The following ERBB4 variants were observed in gnomAD, a reference collection of about 807,000 sequenced individuals.
The protein encoded by ERBB4 is erb-b2 receptor tyrosine kinase 4, also known as receptor tyrosine-protein kinase erbB-4.
ERBB4 carries 42 observed loss-of-function variants against 158.0 expected under a neutral mutation model. That is an observed-to-expected ratio of 0.27 (90% CI 0.21 to 0.34). ERBB4 has a LOEUF of 0.34. Ranked by LOEUF, ERBB4 falls within the 10% of genes least tolerant of loss-of-function variation. The pLI, the probability that ERBB4 is intolerant of heterozygous loss-of-function variation, is 1.00. For synonymous variants in ERBB4, 583 were observed against 558.7 expected, an observed-to-expected ratio of 1.04 and a Z score of -0.61; for missense variants, 1,333 against 1,624.1, an observed-to-expected ratio of 0.82 and a Z score of 3.08.
intron 19 of ERBB4, among the ~76,000 whole-genome samples, chr2:211,563,761 C>T (rs900756005): frequency 8.6e-5 from 13 of 151,386 alleles, no homozygotes; most frequent in African/African-American, 3.2e-4. Context: ...AGTTTACTCA[C>T]ACAGGGAGGG....
intron 3 of ERBB4, among the ~76,000 whole-genome samples, chr2:211,812,065 G>A (rs2076768595): frequency 6.6e-6 from 1 of 152,196 alleles, no homozygotes. Flanking sequence ...GCTTTGTTCT[G>A]TTGCTGGTGA....
At chr2:211,569,731 T>C (rs1198929225) in intron 19 of ERBB4, among the ~76,000 whole-genome samples, 2 of 152,176 alleles carry the variant, frequency 1.3e-5, no homozygotes, top group African/African-American at 2.4e-5. Flanking sequence ...GCTCATGTGC[T>C]TGGAATTTAG....
At chr2:211,650,774 T>G (rs1490294000) in intron 16 of ERBB4, among the ~76,000 whole-genome samples, 1 of 152,192 alleles carries the variant, frequency 6.6e-6, no homozygotes. Flanking sequence ...TTGTATTTAT[T>G]TACCCAATAT....
chr2:212,302,651 T>C (rs892800117), intron 1 of ERBB4, among the ~76,000 whole-genome samples: 2 of 151,538 alleles, frequency 1.3e-5, no homozygotes, highest in African/African-American at 2.4e-5. Context: ...ATTTCTGTAA[T>C]TGAAGAAAGA....
At chr2:211,795,285 C>T (rs184803284) in intron 3 of ERBB4, among the ~76,000 whole-genome samples, 1 of 151,826 alleles carries the variant, frequency 6.6e-6, no homozygotes, top group Admixed American at 6.6e-5. Context: ...TTTGTTTCAA[C>T]AAAGCAAAGG....
chr2:212,021,157 C>A (rs910989552), intron 2 of ERBB4, among the ~76,000 whole-genome samples: 35 of 151,886 alleles, frequency 2.3e-4, no homozygotes, highest in African/African-American at 7.7e-4. Flanking sequence ...CCTTTTTGAT[C>A]CAGACATATG....
At position 211,377,453 on chromosome 2, in the gene ERBB4, GA is replaced by G. The variant is rs1574492213; in HGVS notation, c.*6161del. 1 of 226,670 alleles carries G rather than the reference GA, an allele frequency of 4.4e-6. No homozygotes were observed. The allele number at this position is 226,670 out of a possible 1,614,324, so 14.0% of individuals were successfully genotyped here. A position where few individuals can be genotyped will look rare whatever the true frequency, so the allele number is the denominator to read the frequency against. On this transcript the variant is annotated 3_prime_UTR_variant, in exon 28 of 28. Coordinates refer to ENST00000342788, the MANE Select transcript of ERBB4 (RefSeq NM_005235.3). ...GGGAAAGCTCACTAGAGCATGAAAAGAAAAACGTCCATAAAGAGCAAAAGTA... is the reference window on the plus strand; with the variant it reads ...GGGAAAGCTCACTAGAGCATGAAAAGAAAACGTCCATAAAGAGCAAAAGTA...
chr2:211,635,028 T>G (rs2070306453), intron 16 of ERBB4, among the ~76,000 whole-genome samples: 1 of 152,184 alleles, frequency 6.6e-6, no homozygotes, highest in South Asian at 2.1e-4. Context: ...CAGTTGACAC[T>G]ATGAGATCAC....
At chr2:212,028,575 A>G (rs1162443220) in intron 2 of ERBB4, among the ~76,000 whole-genome samples, 1 of 152,136 alleles carries the variant, frequency 6.6e-6, no homozygotes, top group Non-Finnish European at 1.5e-5. Context: ...GGCAGGGAAC[A>G]CAGCAGGTTT....
chr2:211,431,120 T>C lies in ERBB4; in HGVS notation c.2488-20A>G, dbSNP rs774850111. On this transcript the variant is annotated intron_variant, in intron 20 of 27. Transcript: ENST00000342788. ...CATTCCCTGAAAAATATCAAGTTCC[T>C]TAATGATATTCAGTTAATGCCCAGG... 3.2e-5 allele frequency: 52 copies of C among 1,609,168 alleles called. No individual in the cohort carries two copies. Among genetic ancestry groups the C allele is most frequent in the Non-Finnish European group, 4.2e-5 (50 of 1,176,742 alleles).
chr2:211,890,481 G>C (rs528703043), intron 3 of ERBB4, among the ~76,000 whole-genome samples: 2 of 151,854 alleles, frequency 1.3e-5, no homozygotes, highest in African/African-American at 2.4e-5. Context: ...TCGAGACTAG[G>C]AAGAACCTGC....
In ERBB4 at chr2:211,796,211, G is replaced by A. The variant is rs866819358; in HGVS notation, c.422-8052C>T. Among the ~76,000 whole-genome samples, 6 of 151,948 alleles carry A rather than the reference G, an allele frequency of 3.9e-5. No homozygotes were observed. The South Asian group carries it at 1.2e-3, about 32-fold the overall frequency. On this transcript the variant is annotated intron_variant, in intron 3 of 27. Transcript: ENST00000342788. The stretch of plus-strand genomic sequence containing the variant: ...TGATCCTGACTTTGAGCAAGATAAT[G>A]TGTGCTTATTTTTGTATTTTACGTA...
intron 1 of ERBB4, among the ~76,000 whole-genome samples, chr2:212,340,699 G>T (rs186275686): frequency 7.2e-5 from 11 of 152,284 alleles, no homozygotes; most frequent in Admixed American, 3.3e-4. Flanking sequence ...GAAGCAGCTG[G>T]CTGTAAATAC....
intron 1 of ERBB4, chr2:212,426,251 T>G (rs1215424329): frequency 2.0e-6 from 1 of 488,850 alleles, no homozygotes; most frequent in Non-Finnish European, 4.1e-6. Context: ...GTGCATTTAT[T>G]TCCAAATGCA....
At chr2:212,389,647 C>G (rs1361714348) in intron 1 of ERBB4, among the ~76,000 whole-genome samples, 1 of 151,978 alleles carries the variant, frequency 6.6e-6, no homozygotes, top group Non-Finnish European at 1.5e-5. Flanking sequence ...GTAAAACTTA[C>G]AAGTCTCCAC....
At chr2:212,325,296 C>T (rs1446727098) in intron 1 of ERBB4, among the ~76,000 whole-genome samples, 1 of 150,478 alleles carries the variant, frequency 6.6e-6, no homozygotes, top group Non-Finnish European at 1.5e-5. Flanking sequence ...ATCTGAAAAA[C>T]ATTCTCATAT....
chr2:211,408,948 G>A (rs1334247083), intron 25 of ERBB4, among the ~76,000 whole-genome samples: 1 of 152,146 alleles, frequency 6.6e-6, no homozygotes, highest in African/African-American at 2.4e-5. Context: ...AGCAAACTCC[G>A]AGGATGTAAA....
At position 211,713,576 on chromosome 2, in the gene ERBB4, C is replaced by T. The variant is rs1319320879; in HGVS notation, c.956G>A (p.Gly319Glu). ...PSSKMEVEEN[G>E]IKMCKPCTDI... ...AGTGCAAGGTTTACACATTTTAATCCCATTTTCTTCTACTTCCATCTTGGA... is the reference window on the plus strand; with the variant it reads ...AGTGCAAGGTTTACACATTTTAATCTCATTTTCTTCTACTTCCATCTTGGA... The change falls in exon 8 of 28, where the codon GGG (glycine) becomes GAG (glutamate). Residue 319 changes from glycine to glutamate, a missense_variant. By Grantham distance (98) the Gly-to-Glu change is moderately conservative. Around this residue, in one of 5 missense-constraint regions of ERBB4, gnomAD observed 438 missense variants for 586.9 expected, o/e 0.75. Coordinates refer to ENST00000342788, the MANE Select transcript of ERBB4 (RefSeq NM_005235.3). 1.2e-6 allele frequency: 2 copies of T among 1,612,388 alleles called. No individual in the cohort carries two copies. The highest frequency in any genetic ancestry group is 1.1e-5 in the South Asian group (1 of 91,020).
At chr2:211,647,975 T>C (rs754139916) in intron 16 of ERBB4, among the ~76,000 whole-genome samples, 7 of 151,778 alleles carry the variant, frequency 4.6e-5, no homozygotes, top group Non-Finnish European at 7.4e-5. Flanking sequence ...ATACAAATTA[T>C]GGAGTATTCT....
Sources: allele counts gnomAD v4.1 joint callset (sites outside exome capture counted in the v4.1 genomes callset), GRCh38; gene constraint gnomAD v4.1.1; regional missense constraint gnomAD v4.1.1; transcripts MANE v1.5; gene names NCBI Gene and HGNC (gene_info 2026-07-23, HGNC 2026-07-21).